Variants in ST6GALNAC3 observed in about 807,000 individuals in gnomAD.
ST6GALNAC3 encodes the protein alpha-N-acetylgalactosaminide alpha-2,6-sialyltransferase 3.
In ST6GALNAC3, 25 loss-of-function variants were observed where a neutral mutation model predicts 32.7. The observed-to-expected ratio is 0.76, with a 90% CI of 0.56 to 1.07. The LOEUF (loss-of-function observed/expected upper bound fraction) is 1.07, where lower values mean the gene tolerates loss of function less well. Among genes scored for constraint, ST6GALNAC3 ranks in the 50% least tolerant of loss-of-function variants. ST6GALNAC3 has a pLI of 0.00. For missense variants in ST6GALNAC3, 355 were observed against 382.4 expected (o/e 0.93, Z 0.60); for synonymous variants, 129 against 133.1 (o/e 0.97, Z 0.21).
intron 1 of ST6GALNAC3, among the ~76,000 whole-genome samples, chr1:76,166,806 C>T (rs1348232079): frequency 1.3e-5 from 2 of 152,106 alleles, no homozygotes; most frequent in Non-Finnish European, 2.9e-5. Flanking sequence ...CTTGGCTTCA[C>T]TGTTGTTGAT....
chr1:76,462,117 TC>T (rs1557441811), intron 3 of ST6GALNAC3, among the ~76,000 whole-genome samples: 1 of 151,696 alleles, frequency 6.6e-6, no homozygotes, highest in Admixed American at 6.6e-5. Context: ...CCTGTCCCCA[TC>T]CCCCCAGCCT....
At chr1:76,520,734 T>C (rs1253416517) in intron 3 of ST6GALNAC3, among the ~76,000 whole-genome samples, 1 of 152,198 alleles carries the variant, frequency 6.6e-6, no homozygotes, top group African/African-American at 2.4e-5. Context: ...CTTATCACTG[T>C]GATATGACCT....
At chr1:76,291,854 G>A (rs184148081) in intron 1 of ST6GALNAC3, among the ~76,000 whole-genome samples, 1 of 152,324 alleles carries the variant, frequency 6.6e-6, no homozygotes, top group Admixed American at 6.5e-5. Flanking sequence ...AACATCTCCA[G>A]TAATGTGTGA....
intron 2 of ST6GALNAC3, among the ~76,000 whole-genome samples, chr1:76,398,055 G>A (rs1653113905): frequency 6.6e-6 from 1 of 152,054 alleles, no homozygotes; most frequent in Non-Finnish European, 1.5e-5. Flanking sequence ...AAATATTAGT[G>A]GACATTCTTA....
chr1:76,508,882 T>A (rs1661652877), intron 3 of ST6GALNAC3, among the ~76,000 whole-genome samples: 1 of 152,122 alleles, frequency 6.6e-6, no homozygotes, highest in Admixed American at 6.5e-5. Context: ...AATAAGAAAA[T>A]TTTTTGTCAC....
At chr1:76,112,106 C>A (rs1159758321) in intron 1 of ST6GALNAC3, among the ~76,000 whole-genome samples, 6 of 142,960 alleles carry the variant, frequency 4.2e-5, no homozygotes, top group Non-Finnish European at 7.7e-5. Context: ...GGCGGCTGGC[C>A]GGGCGGGGGG....
intron 3 of ST6GALNAC3, among the ~76,000 whole-genome samples, chr1:76,461,503 G>A (rs1357990877): frequency 6.6e-6 from 1 of 152,178 alleles, no homozygotes; most frequent in African/African-American, 2.4e-5. Flanking sequence ...GAAGAATGGT[G>A]CTTCGTGCTG....
chr1:76,307,806 GA>G, intron 1 of ST6GALNAC3: 1 of 412,112 alleles, frequency 2.4e-6, no homozygotes, highest in Admixed American at 2.6e-5. Flanking sequence ...TATTAATATA[GA>G]TTGCAAATTT....
intron 1 of ST6GALNAC3, among the ~76,000 whole-genome samples, chr1:76,129,383 A>G (rs1319268833): frequency 6.6e-6 from 1 of 152,112 alleles, no homozygotes; most frequent in South Asian, 2.1e-4. Flanking sequence ...TCACAGCCTA[A>G]TCAGGTGACT....
intron 1 of ST6GALNAC3, among the ~76,000 whole-genome samples, chr1:76,100,772 G>A (rs992193331): frequency 2.7e-5 from 4 of 150,790 alleles, no homozygotes; most frequent in Admixed American, 2.0e-4. Flanking sequence ...AGTTCTGGTA[G>A]AATTATCTGG....
chr1:76,494,329 C>G (rs1298920250), intron 3 of ST6GALNAC3, among the ~76,000 whole-genome samples: 4 of 149,540 alleles, frequency 2.7e-5, no homozygotes, highest in South Asian at 4.2e-4. Flanking sequence ...TCTTAAGTTT[C>G]TTGAATTAGG....
intron 1 of ST6GALNAC3, among the ~76,000 whole-genome samples, chr1:76,270,368 A>T (rs895040372): frequency 6.6e-6 from 1 of 151,968 alleles, no homozygotes; most frequent in Non-Finnish European, 1.5e-5. Flanking sequence ...TAAGCCAGGC[A>T]TGGTGGCAGG....
At chr1:76,284,396 A>G (rs146676202) in intron 1 of ST6GALNAC3, among the ~76,000 whole-genome samples, 3 of 152,282 alleles carry the variant, frequency 2.0e-5, no homozygotes, top group African/African-American at 7.2e-5. Flanking sequence ...TTTCTATTCT[A>G]TTGGGGTCTG....
intron 1 of ST6GALNAC3, among the ~76,000 whole-genome samples, chr1:76,174,377 T>C (rs905907879): frequency 7.9e-5 from 12 of 151,134 alleles, no homozygotes; most frequent in African/African-American, 2.9e-4. Flanking sequence ...CAAACTACTA[T>C]GGCACACGTA....
intron 1 of ST6GALNAC3, among the ~76,000 whole-genome samples, chr1:76,296,409 G>A (rs1219575107): frequency 6.6e-6 from 1 of 152,094 alleles, no homozygotes; most frequent in African/African-American, 2.4e-5. Flanking sequence ...CTAAGGAAAT[G>A]TCTTTGGGTC....
chr1:76,318,146 T>A (rs1399349790), intron 2 of ST6GALNAC3, among the ~76,000 whole-genome samples: 1 of 152,136 alleles, frequency 6.6e-6, no homozygotes, highest in Non-Finnish European at 1.5e-5. Flanking sequence ...GTGGTTTTGC[T>A]TATATTTCAA....
chr1:76,315,379 G>A (rs1441354248), intron 2 of ST6GALNAC3, among the ~76,000 whole-genome samples: 7 of 152,050 alleles, frequency 4.6e-5, no homozygotes, highest in Admixed American at 1.3e-4. Context: ...AATGTCTCAC[G>A]AAGTATTCTC....
chr1:76,230,807 TAAC>T lies in ST6GALNAC3; in HGVS notation c.19-82992_19-82990del, dbSNP rs552647640. On this transcript the variant is annotated intron_variant, in intron 1 of 4. Coordinates refer to ENST00000328299, the MANE Select transcript of ST6GALNAC3 (RefSeq NM_152996.4). ...AACATTCCTGGAATTTTAAGAATTG[TAAC>T]AACAATAAAACAATAACTGTTTATT... Among the ~76,000 whole-genome samples the T allele has an allele frequency of 2.6e-3, 392 of 152,350 alleles. 2 individuals are homozygous for T. The highest frequency in any genetic ancestry group is 8.5e-3 in the African/African-American group (352 of 41,588).
chr1:76,305,845 G>C (rs1198617173), intron 1 of ST6GALNAC3: 2 of 509,902 alleles, frequency 3.9e-6, no homozygotes, highest in Admixed American at 4.0e-5. Flanking sequence ...ATAGTGAGAT[G>C]AAGTGACTGC....
Sources: allele counts gnomAD v4.1 joint callset (sites outside exome capture counted in the v4.1 genomes callset), GRCh38; gene constraint gnomAD v4.1.1; transcripts MANE v1.5; gene names NCBI Gene and HGNC (gene_info 2026-07-23, HGNC 2026-07-21).